SPATA17: variants seen among roughly 807,000 people sequenced by gnomAD.
SPATA17 encodes spermatogenesis-associated protein 17.
A neutral mutation model predicts 62.2 loss-of-function variants in SPATA17; 53 were observed. That is an observed-to-expected ratio of 0.85 (90% CI 0.68 to 1.07). The LOEUF is 1.07. SPATA17 is among the 50% of genes least tolerant of loss of function. The pLI is 0.00. For missense variants in SPATA17, 466 were observed against 425.5 expected (o/e 1.10, Z -0.84); for synonymous variants, 146 against 146.8 (o/e 0.99, Z 0.04).
At chr1:217,636,944 T>G (rs888305399) in intron 1 of SPATA17, among the ~76,000 whole-genome samples, 2 of 152,174 alleles carry the variant, frequency 1.3e-5, no homozygotes, top group African/African-American at 4.8e-5. Context: ...GCCAGATATA[T>G]GTAAAATCTT....
chr1:217,845,687 C>T (rs534793443), intron 9 of SPATA17, among the ~76,000 whole-genome samples: 17 of 152,120 alleles, frequency 1.1e-4, no homozygotes, highest in Admixed American at 5.9e-4. Flanking sequence ...TTTTAACGCT[C>T]GTGGTGGGGT....
chr1:217,683,405 G>A (rs778256072), intron 5 of SPATA17, 44 bp downstream of exon 5: 1 of 1,252,604 alleles, frequency 8.0e-7, no homozygotes, highest in South Asian at 1.2e-5. Context: ...ACTTTGGAAA[G>A]ATTACTCAAT....
At chr1:217,815,856 G>A (rs1243174670) in intron 9 of SPATA17, among the ~76,000 whole-genome samples, 1 of 152,154 alleles carries the variant, frequency 6.6e-6, no homozygotes, top group Admixed American at 6.6e-5. Context: ...AATTGCGTAA[G>A]CCAGTTCTTT....
intron 5 of SPATA17, among the ~76,000 whole-genome samples, chr1:217,687,086 C>T (rs889022862): frequency 2.6e-5 from 4 of 152,096 alleles, no homozygotes; most frequent in Admixed American, 6.5e-5. Flanking sequence ...CTATTGTAAA[C>T]ATTGTGTTAT....
At chr1:217,840,611 A>T (rs1447585369) in intron 9 of SPATA17, among the ~76,000 whole-genome samples, 1 of 152,052 alleles carries the variant, frequency 6.6e-6, no homozygotes, top group Non-Finnish European at 1.5e-5. Flanking sequence ...TAATCCCAGG[A>T]CTTTGGGAGG....
At position 217,635,771 on chromosome 1, in the gene SPATA17, C is replaced by T. The variant is rs192114399; in HGVS notation, c.68+4325C>T. On this transcript the variant is annotated intron_variant, in intron 1 of 10. Transcript: ENST00000366933. Reference sequence around the variant, plus strand: ...ATGAGGAATGTCTGGGTTATGATAACGGGATTGGGGAGACCTGGTTTTTAT... The same window carrying T: ...ATGAGGAATGTCTGGGTTATGATAATGGGATTGGGGAGACCTGGTTTTTAT... Among the ~76,000 whole-genome samples, 378 of 151,308 alleles carry T rather than the reference C, an allele frequency of 2.5e-3. 8 individuals carry two copies. Among genetic ancestry groups the T allele is most frequent in the Non-Finnish European group, 8.4e-4 (57 of 67,814 alleles).
In SPATA17 at chr1:217,736,038, C is replaced by CA. The variant is rs535012067; in HGVS notation, c.396-5932dup. 4.0e-5 allele frequency among the ~76,000 whole-genome samples: 6 copies of CA among 151,548 alleles called. No individual in the cohort carries two copies. The South Asian group carries it at 1.2e-3, about 32-fold the overall frequency. On this transcript the variant is annotated intron_variant, in intron 5 of 10. Coordinates refer to ENST00000366933, the MANE Select transcript of SPATA17 (RefSeq NM_138796.4). Reference sequence around the variant, plus strand: ...TTTTGAGCAGAGTGCTCTTTTTCCTCAAAAATATTTTATAGAAATATATTA... The same window carrying CA: ...TTTTGAGCAGAGTGCTCTTTTTCCTCAAAAAATATTTTATAGAAATATATTA...
chr1:217,699,201 A>G (rs1671535327), intron 5 of SPATA17, among the ~76,000 whole-genome samples: 1 of 152,080 alleles, frequency 6.6e-6, no homozygotes, highest in South Asian at 2.1e-4. Context: ...ACACATTTCT[A>G]TTTTTTTGGA....
At chr1:217,802,493 C>A (rs551691603) in intron 9 of SPATA17, among the ~76,000 whole-genome samples, 1 of 152,194 alleles carries the variant, frequency 6.6e-6, no homozygotes, top group East Asian at 1.9e-4. Flanking sequence ...AGATTCCTGC[C>A]AACATAGTTT....
At chr1:217,646,905 A>G (rs891098043) in intron 1 of SPATA17, among the ~76,000 whole-genome samples, 1 of 152,066 alleles carries the variant, frequency 6.6e-6, no homozygotes, top group South Asian at 2.1e-4. Context: ...AAAAAACCCA[A>G]ACAAACCAAC....
At chr1:217,847,983 G>A (rs890254565) in intron 9 of SPATA17, among the ~76,000 whole-genome samples, 2 of 152,006 alleles carry the variant, frequency 1.3e-5, no homozygotes, top group Non-Finnish European at 2.9e-5. Context: ...AGTAAGCCTT[G>A]ATCGATGGTA....
chr1:217,710,705 A>G lies in SPATA17; in HGVS notation c.395+27344A>G, dbSNP rs149844978. On this transcript the variant is annotated intron_variant, in intron 5 of 10. Coordinates refer to ENST00000366933, the MANE Select transcript of SPATA17 (RefSeq NM_138796.4). The stretch of plus-strand genomic sequence containing the variant: ...TGAGATAAAATCCAAATAATATATA[A>G]TACACCCATTTAAGTACTATGGATT... Among the ~76,000 whole-genome samples the G allele has an allele frequency of 5.8e-3, 882 of 152,288 alleles. 9 individuals carry two copies. Among genetic ancestry groups the G allele is most frequent in the African/African-American group, 0.02 (844 of 41,564 alleles).
chr1:217,749,983 C>CTATATATATATATATATA (rs1387385689), intron 6 of SPATA17, among the ~76,000 whole-genome samples: 28 of 24,056 alleles, frequency 1.2e-3, no homozygotes, highest in African/African-American at 1.7e-3. Flanking sequence ...CTCTCTCTCT[C>CTATATATATATATATATA]TCTATATATA....
At chr1:217,708,964 A>C (rs2102925062) in intron 5 of SPATA17, among the ~76,000 whole-genome samples, 1 of 152,188 alleles carries the variant, frequency 6.6e-6, no homozygotes, top group South Asian at 2.1e-4. Context: ...CAAAAAAAAA[A>C]GGCTTTCAAT....
chr1:217,842,080 T>C (rs1675419214), intron 9 of SPATA17, among the ~76,000 whole-genome samples: 1 of 151,964 alleles, frequency 6.6e-6, no homozygotes, highest in Non-Finnish European at 1.5e-5. Context: ...ATCTATGAGA[T>C]GATCATGTGA....
At chr1:217,709,732 T>C (rs545206201) in intron 5 of SPATA17, among the ~76,000 whole-genome samples, 196 of 152,330 alleles carry the variant, frequency 1.3e-3, no homozygotes, top group Non-Finnish European at 2.1e-3. Flanking sequence ...TCTTTCACAC[T>C]CAGTGATGCA....
intron 4 of SPATA17, among the ~76,000 whole-genome samples, chr1:217,680,718 A>G (rs1369736214): frequency 2.6e-5 from 4 of 151,694 alleles, no homozygotes; most frequent in African/African-American, 9.7e-5. Flanking sequence ...TAAGGTTAGG[A>G]GTTCAAGACC....
rs75977965 is a variant in SPATA17 at position 217,774,554 on chromosome 1, T to C, written c.723+17T>C. The C allele has an allele frequency of 2.2e-4, 346 of 1,603,900 alleles. No individual in the cohort carries two copies. The African/African-American group carries it at 3.6e-3, about 17-fold the overall frequency. On this transcript the variant is annotated intron_variant, in intron 7 of 10. Transcript: ENST00000366933. ...CAATGTCAGGTACTAGTTTGCTGTA[T>C]AAGAATTCTGTCATTAATTTTATTC...
intron 5 of SPATA17, among the ~76,000 whole-genome samples, chr1:217,724,433 C>G (rs755395670): frequency 1.3e-5 from 2 of 151,756 alleles, no homozygotes; most frequent in Non-Finnish European, 2.9e-5. Context: ...ACTAAGAATA[C>G]AAAAATTAGC....
Sources: gnomAD v4.1 joint callset for allele counts (sites outside exome capture counted in the v4.1 genomes callset) on GRCh38, gnomAD v4.1.1 for gene constraint, MANE v1.5 for transcripts, NCBI Gene and HGNC (gene_info 2026-07-23, HGNC 2026-07-21) for gene names.